Variants in SPON1 observed in about 807,000 individuals in gnomAD.
The protein encoded by SPON1 is spondin-1.
Under a neutral mutation model 111.7 loss-of-function variants are expected in SPON1, and 52 were observed. The observed-to-expected ratio is 0.47, with a 90% CI of 0.37 to 0.59. The LOEUF is 0.59. Ranked by LOEUF, SPON1 falls within the 20% of genes least tolerant of loss-of-function variation. The probability of loss-of-function intolerance (pLI) is 0.00; values close to 1 mark genes in which losing one functional copy is unlikely to be tolerated. For synonymous variants in SPON1, 410 were observed against 395.8 expected (o/e 1.04, Z -0.43); for missense variants, 957 against 1,068.5 (o/e 0.90, Z 1.46).
intron 6 of SPON1, among the ~76,000 whole-genome samples, chr11:14,242,632 G>C (rs780433534): frequency 9.9e-5 from 15 of 152,216 alleles, no homozygotes; most frequent in Admixed American, 2.0e-4. Flanking sequence ...AATCAACAAA[G>C]TTCTGATTTT....
intron 6 of SPON1, among the ~76,000 whole-genome samples, chr11:14,196,869 G>A (rs192454914): frequency 6.6e-6 from 1 of 152,254 alleles, no homozygotes; most frequent in Admixed American, 6.5e-5. Flanking sequence ...GGCCAACATG[G>A]CGAAACTCTG....
At position 14,211,131 on chromosome 11, in the gene SPON1, G is replaced by T. The variant is rs529987224; in HGVS notation, c.826-32201G>T. Among the ~76,000 whole-genome samples, 6 of 152,052 alleles carry T rather than the reference G, an allele frequency of 3.9e-5. No individual in the cohort carries two copies. The East Asian group carries it at 1.2e-3, about 29-fold the overall frequency. On this transcript the variant is annotated intron_variant, in intron 6 of 15. Coordinates refer to ENST00000576479, the MANE Select transcript of SPON1 (RefSeq NM_006108.4). ...GAAATTTAAAGAAGTTCTGGCCAGG[G>T]CAATCAGGCAAGAGAAAGAAATAAA...
At chr11:14,098,090 G>A (rs1554924062) in intron 5 of SPON1, among the ~76,000 whole-genome samples, 2 of 152,312 alleles carry the variant, frequency 1.3e-5, no homozygotes, top group East Asian at 3.9e-4. Flanking sequence ...CCGCCTCCCG[G>A]GTTCACACCA....
intron 5 of SPON1, among the ~76,000 whole-genome samples, chr11:14,113,847 G>A (rs1304165377): frequency 5.3e-5 from 8 of 151,494 alleles, no homozygotes; most frequent in South Asian, 4.2e-4. Flanking sequence ...CTCGTGATCC[G>A]CCCGCCTCAG....
chr11:14,217,589 AAAAG>A (rs1343048301), intron 6 of SPON1, among the ~76,000 whole-genome samples: 1 of 152,162 alleles, frequency 6.6e-6, no homozygotes, highest in Non-Finnish European at 1.5e-5. Context: ...TTCTGTATTA[AAAAG>A]AAAGAAAAAA....
chr11:14,173,493 C>T (rs549582637), intron 6 of SPON1, among the ~76,000 whole-genome samples: 2 of 152,238 alleles, frequency 1.3e-5, no homozygotes, highest in South Asian at 2.1e-4. Flanking sequence ...TCTCTCAACT[C>T]GTCAACATCA....
intron 2 of SPON1, among the ~76,000 whole-genome samples, chr11:14,001,361 C>G (rs1554912423): frequency 6.6e-6 from 1 of 152,172 alleles, no homozygotes; most frequent in African/African-American, 2.4e-5. Flanking sequence ...TCTCCTCCAG[C>G]TTGAGGCATG....
intron 1 of SPON1, among the ~76,000 whole-genome samples, chr11:13,971,900 C>T (rs1019122232): frequency 2.6e-5 from 4 of 152,184 alleles, no homozygotes; most frequent in Non-Finnish European, 5.9e-5. Flanking sequence ...ACTGGCGAAG[C>T]TTGAGCCAGG....
intron 6 of SPON1, among the ~76,000 whole-genome samples, chr11:14,238,206 C>T (rs1399879271): frequency 6.6e-6 from 1 of 152,140 alleles, no homozygotes; most frequent in Non-Finnish European, 1.5e-5. Context: ...TCCTTTCCCT[C>T]TCTGATCATG....
At chr11:14,247,271 G>A (rs765696607) in intron 7 of SPON1, among the ~76,000 whole-genome samples, 1 of 152,140 alleles carries the variant, frequency 6.6e-6, no homozygotes, top group Non-Finnish European at 1.5e-5. Flanking sequence ...CTAGCCAGGC[G>A]TGGTGGCTTG....
intron 10 of SPON1, among the ~76,000 whole-genome samples, chr11:14,257,086 A>G (rs543374231): frequency 1.2e-4 from 18 of 152,322 alleles, no homozygotes; most frequent in Admixed American, 9.8e-4. Flanking sequence ...CGACAGAGTC[A>G]TGGTTCAAGC....
chr11:14,138,403 T>C (rs1847617299), intron 6 of SPON1, among the ~76,000 whole-genome samples: 1 of 152,186 alleles, frequency 6.6e-6, no homozygotes, highest in African/African-American at 2.4e-5. Context: ...TAAATTTTAA[T>C]GTTACTATAA....
intron 5 of SPON1, among the ~76,000 whole-genome samples, chr11:14,127,605 C>G (rs79345753): frequency 6.6e-6 from 1 of 152,208 alleles, no homozygotes; most frequent in East Asian, 1.9e-4. Flanking sequence ...TGTCATAACT[C>G]GCCTGCCTCT....
rs140465992 is a variant in SPON1, at chr11:14,049,521, G to A, written c.479+7867G>A. ...TAAGGGTGCCTATGACCTTCACCAG[G>A]TTCCTCACCAGCCTTCCACTGCATC... On this transcript the variant is annotated intron_variant, in intron 3 of 15. Coordinates refer to ENST00000576479, the MANE Select transcript of SPON1 (RefSeq NM_006108.4). Among the ~76,000 whole-genome samples the A allele has an allele frequency of 5.1e-4, 77 of 152,244 alleles. 1 individual carries two copies. The highest frequency in any genetic ancestry group is 1.7e-3 in the African/African-American group (72 of 41,542).
At chr11:14,019,792 C>G (rs141544474) in intron 2 of SPON1, among the ~76,000 whole-genome samples, 168 of 152,278 alleles carry the variant, frequency 1.1e-3, no homozygotes, top group African/African-American at 3.8e-3. Context: ...TCCTCCGGTT[C>G]ATAAATTGGC....
chr11:14,206,235 C>A lies in SPON1; in HGVS notation c.826-37097C>A, dbSNP rs1048021732. Among the ~76,000 whole-genome samples, 40 of 151,974 alleles carry A rather than the reference C, an allele frequency of 2.6e-4. 1 individual carries two copies. The highest frequency in any genetic ancestry group is 3.2e-3 in the Middle Eastern group (1 of 316). On this transcript the variant is annotated intron_variant, in intron 6 of 15. Transcript: ENST00000576479. ...TTGAGACTGAGTCTTGCTCTGTCAC[C>A]CAGGCTGGAATGCAGTGGCACGATC... is the stretch of plus-strand genomic sequence containing the variant.
chr11:13,982,109 GTCT>G (rs1554909708), intron 1 of SPON1, among the ~76,000 whole-genome samples: 1 of 152,090 alleles, frequency 6.6e-6, no homozygotes, highest in East Asian at 1.9e-4. Flanking sequence ...TTATGATTGT[GTCT>G]TATTAGTTAT....
At chr11:14,191,586 A>G (rs1554934558) in intron 6 of SPON1, among the ~76,000 whole-genome samples, 1 of 152,242 alleles carries the variant, frequency 6.6e-6, no homozygotes, top group African/African-American at 2.4e-5. Flanking sequence ...TTCCTTCCAG[A>G]GTAAGTTTGC....
In SPON1 at chr11:14,140,716, C is replaced by CT. The variant is rs535548991; in HGVS notation, c.825+5156dup. On this transcript the variant is annotated intron_variant, in intron 6 of 15. Coordinates refer to ENST00000576479, the MANE Select transcript of SPON1 (RefSeq NM_006108.4). Reference sequence around the variant, plus strand: ...GGCCTCAGTAGTTTTTTTTCTTTTTCTTTTTTTTCCTGTTGGAGGAAAAAA... The same window carrying CT: ...GGCCTCAGTAGTTTTTTTTCTTTTTCTTTTTTTTTCCTGTTGGAGGAAAAAA... Among the ~76,000 whole-genome samples, 6 of 151,834 alleles carry CT rather than the reference C, an allele frequency of 4.0e-5. 1 individual carries two copies. Among genetic ancestry groups the CT allele is most frequent in the South Asian group, 2.1e-4 (1 of 4,794 alleles).
Sources: gnomAD v4.1 joint callset for allele counts (sites outside exome capture counted in the v4.1 genomes callset) on GRCh38, gnomAD v4.1.1 for gene constraint, MANE v1.5 for transcripts, NCBI Gene and HGNC (gene_info 2026-07-23, HGNC 2026-07-21) for gene names.